CEP128: variants seen among roughly 807,000 people sequenced by gnomAD.
CEP128 encodes the protein centrosomal protein 128kDa.
CEP128 carries 132 observed loss-of-function variants against 156.7 expected under a neutral mutation model. The observed-to-expected ratio is 0.84, with a 90% CI of 0.73 to 0.97. The LOEUF is 0.97. CEP128 is among the 50% of genes least tolerant of loss of function. The probability of loss-of-function intolerance (pLI) is 0.00; values close to 1 mark genes in which losing one functional copy is unlikely to be tolerated. For synonymous variants in CEP128, 469 were observed against 448.9 expected, an observed-to-expected ratio of 1.04 and a Z score of -0.57; for missense variants, 1,252 against 1,281.9, an observed-to-expected ratio of 0.98 and a Z score of 0.36.
rs1372039810 is a variant in CEP128, at chr14:80,656,271, GTTTTTATTTATATATATA to G, written c.2807-75866_2807-75849del. Among the ~76,000 whole-genome samples, 171 of 74,346 alleles carry G rather than the reference GTTTTTATTTATATATATA, an allele frequency of 2.3e-3. 2 individuals are homozygous for G. Among genetic ancestry groups the G allele is most frequent in the African/African-American group, 8.0e-3 (143 of 17,876 alleles). The allele number at this position is 74,346 out of a possible 152,430, so 48.8% of individuals were successfully genotyped here. On this transcript the variant is annotated intron_variant, in intron 19 of 24. Transcript: ENST00000555265. ...CTCAAGTATTTCTCAATAAACCTAA[GTTTTTATTTATATATATA>G]TTTATATATATATATATATATATAT... is the stretch of plus-strand genomic sequence containing the variant.
intron 19 of CEP128, among the ~76,000 whole-genome samples, chr14:80,689,985 G>A (rs1896662453): frequency 2.6e-5 from 4 of 152,052 alleles, no homozygotes; most frequent in Non-Finnish European, 5.9e-5. Context: ...GTGAGTCCCT[G>A]CAATACTGGA....
intron 16 of CEP128, among the ~76,000 whole-genome samples, chr14:80,776,287 A>G (rs1409739883): frequency 6.6e-6 from 1 of 151,984 alleles, no homozygotes; most frequent in Non-Finnish European, 1.5e-5. Context: ...TATCACCAGA[A>G]CTACAACCTG....
intron 15 of CEP128, among the ~76,000 whole-genome samples, chr14:80,781,455 C>CA (rs67179008): frequency 0.47 from 42,179 of 90,328 alleles, 9,829 homozygotes; most frequent in African/African-American, 0.51. Flanking sequence ...GACTCCGTCT[C>CA]AAAAAAAAAA....
chr14:80,609,145 A>T (rs555645552), intron 19 of CEP128, among the ~76,000 whole-genome samples: 1 of 152,352 alleles, frequency 6.6e-6, no homozygotes, highest in African/African-American at 2.4e-5. Context: ...TTCATTTTCA[A>T]TAAACCACAT....
intron 19 of CEP128, among the ~76,000 whole-genome samples, chr14:80,588,689 AG>A (rs1194933003): frequency 6.6e-6 from 1 of 152,106 alleles, no homozygotes; most frequent in African/African-American, 2.4e-5. Flanking sequence ...GCCATTTTAA[AG>A]ACGAATTATT....
Position 80,883,564 on chromosome 14 carries a change from A to G in CEP128, c.645+12154T>C, listed in dbSNP as rs551595912. Among the ~76,000 whole-genome samples, 8 of 152,294 alleles carry G rather than the reference A, an allele frequency of 5.3e-5. No individual in the cohort carries two copies. In the South Asian group the frequency reaches 1.0e-3, roughly 20 times the overall value. Reference sequence around the variant, plus strand: ...GAAAGATCTCTACAGTGAAAACTATATAAGATTGATGCAAGGAATTAAAGA... The same window carrying G: ...GAAAGATCTCTACAGTGAAAACTATGTAAGATTGATGCAAGGAATTAAAGA... On this transcript the variant is annotated intron_variant, in intron 8 of 24. Coordinates refer to ENST00000555265, the MANE Select transcript of CEP128 (RefSeq NM_152446.5).
chr14:80,665,891 A>C (rs2140910813), intron 19 of CEP128, among the ~76,000 whole-genome samples: 1 of 152,340 alleles, frequency 6.6e-6, no homozygotes, highest in Non-Finnish European at 1.5e-5. Context: ...GGATGCCATA[A>C]AATGACCAAA....
intron 22 of CEP128, among the ~76,000 whole-genome samples, chr14:80,530,209 G>A (rs910848976): frequency 6.6e-6 from 1 of 152,206 alleles, no homozygotes; most frequent in African/African-American, 2.4e-5. Flanking sequence ...ACCAGACCTT[G>A]TCTGGCAGGA....
At chr14:80,801,384 A>T (rs931157702) in intron 13 of CEP128, among the ~76,000 whole-genome samples, 1 of 67,690 alleles carries the variant, frequency 1.5e-5, no homozygotes, top group Non-Finnish European at 4.0e-5. Context: ...TGTCATAAAT[A>T]TCCCTTACTA....
At chr14:80,935,332 C>T (rs1885719763) in intron 2 of CEP128, among the ~76,000 whole-genome samples, 1 of 152,034 alleles carries the variant, frequency 6.6e-6, no homozygotes, top group Admixed American at 6.6e-5. Flanking sequence ...GGGTGGATCA[C>T]TTGAGGTCAG....
intron 13 of CEP128, among the ~76,000 whole-genome samples, chr14:80,816,950 C>T (rs1353638801): frequency 1.6e-5 from 2 of 125,970 alleles, no homozygotes; most frequent in Admixed American, 8.5e-5. Context: ...GTATGTGCTA[C>T]GTTATTGTTT....
chr14:80,784,959 T>C lies in CEP128; in HGVS notation c.2147A>G (p.Gln716Arg), dbSNP rs1448394733. 6.2e-7 allele frequency: 1 copy of C among 1,614,124 alleles called. No homozygotes were observed. The highest frequency in any genetic ancestry group is 2.2e-5 in the East Asian group (1 of 44,884). The change falls in exon 15 of 25, where the codon CAG becomes CGG. Residue 716 changes from glutamine to arginine, a missense_variant. Transcript: ENST00000555265. ...SVKTKHEQNI[Q>R]ELMKHFKKEK... ...TTTCTTAAAGTGCTTCATAAGCTCC[T>C]GGATATTCTGTTCGTGTTTTGTTTT...
intron 23 of CEP128, among the ~76,000 whole-genome samples, chr14:80,508,938 T>C (rs1346959804): frequency 2.0e-5 from 3 of 152,190 alleles, no homozygotes; most frequent in Non-Finnish European, 4.4e-5. Flanking sequence ...ATTGACTCAC[T>C]GTTCCGGATG....
intron 19 of CEP128, among the ~76,000 whole-genome samples, chr14:80,590,422 C>T (rs1892003013): frequency 6.6e-6 from 1 of 151,840 alleles, no homozygotes; most frequent in Non-Finnish European, 1.5e-5. Flanking sequence ...TCATTAGAAA[C>T]CACACAGGCC....
chr14:80,754,442 C>T (rs1289824265), intron 18 of CEP128, among the ~76,000 whole-genome samples: 6 of 150,562 alleles, frequency 4.0e-5, no homozygotes, highest in African/African-American at 1.5e-4. Context: ...TCCTAAAGAC[C>T]AGGACAATGT....
At chr14:80,587,051 T>A (rs75238083) in intron 19 of CEP128, among the ~76,000 whole-genome samples, 9,101 of 152,108 alleles carry the variant, frequency 0.06, 315 homozygotes, top group South Asian at 0.085. Context: ...CTCAGTATTT[T>A]TTTTTTAAAT....
intron 23 of CEP128, among the ~76,000 whole-genome samples, chr14:80,506,228 A>C (rs370545144): frequency 1.1e-4 from 17 of 151,794 alleles, no homozygotes; most frequent in Middle Eastern, 3.4e-3. Flanking sequence ...GGTGAGAAAG[A>C]GTTTGGTGTG....
intron 23 of CEP128, 43 bp downstream of exon 23, chr14:80,526,826 T>C (rs765052975): frequency 1.8e-6 from 2 of 1,089,880 alleles, no homozygotes; most frequent in South Asian, 2.6e-5. Flanking sequence ...GCCTTAAACA[T>C]GGATACTACT....
intron 19 of CEP128, among the ~76,000 whole-genome samples, chr14:80,698,823 T>C (rs537786945): frequency 7.7e-4 from 117 of 152,166 alleles, no homozygotes; most frequent in Non-Finnish European, 1.2e-3. Context: ...AAGTTAAGCA[T>C]TATACAATTT....
Sources: gnomAD v4.1 joint callset for allele counts (sites outside exome capture counted in the v4.1 genomes callset) on GRCh38, gnomAD v4.1.1 for gene constraint, MANE v1.5 for transcripts, NCBI Gene and HGNC (gene_info 2026-07-23, HGNC 2026-07-21) for gene names.